Variants in PGCKA1 observed in about 807,000 individuals in gnomAD.
PGCKA1 encodes PDCD10 and GCKIII kinases-associated protein 1.
the PGCKA1 span, among the ~76,000 whole-genome samples, chr4:37,550,435 A>T: frequency 6.6e-6 from 1 of 152,182 alleles, no homozygotes; most frequent in Non-Finnish European, 1.5e-5. Context: ...GTCTTGTGTC[A>T]TTTGGACTTA....
chr4:37,468,746 C>A, the PGCKA1 span, among the ~76,000 whole-genome samples: 14 of 151,260 alleles, frequency 9.3e-5, no homozygotes, highest in East Asian at 3.9e-4. Context: ...CTGTATACCC[C>A]CCCACACACA....
At chr4:37,551,978 G>C in the PGCKA1 span, among the ~76,000 whole-genome samples, 1 of 152,190 alleles carries the variant, frequency 6.6e-6, no homozygotes, top group South Asian at 2.1e-4. Context: ...AGTCTCAAAG[G>C]GGGGAAATGA....
chr4:37,590,135 A>C, the PGCKA1 span: 1 of 1,614,204 alleles, frequency 6.2e-7, no homozygotes, highest in Non-Finnish European at 8.5e-7. Flanking sequence ...TATGTCAATG[A>C]AGTCAACAGC....
chr4:37,504,311 A>G, the PGCKA1 span, among the ~76,000 whole-genome samples: 1 of 152,150 alleles, frequency 6.6e-6, no homozygotes, highest in Admixed American at 6.5e-5. Context: ...TGCCACTATC[A>G]TGCTGTTTTG....
the PGCKA1 span, among the ~76,000 whole-genome samples, chr4:37,477,613 G>T: frequency 7.2e-5 from 11 of 152,186 alleles, no homozygotes; most frequent in Non-Finnish European, 1.3e-4. Flanking sequence ...AAGGAATTTC[G>T]GTAACCTTCT....
chr4:37,507,749 G>A, the PGCKA1 span, among the ~76,000 whole-genome samples: 1 of 152,014 alleles, frequency 6.6e-6, no homozygotes, highest in East Asian at 1.9e-4. Flanking sequence ...GTATTTTTCT[G>A]TGTGCTTATG....
the PGCKA1 span, among the ~76,000 whole-genome samples, chr4:37,498,146 G>C: frequency 6.6e-6 from 1 of 152,106 alleles, no homozygotes; most frequent in African/African-American, 2.4e-5. Context: ...AATTATCCAA[G>C]CACCATTTGT....
At chr4:37,513,029 AG>A in the PGCKA1 span, among the ~76,000 whole-genome samples, 1 of 151,732 alleles carries the variant, frequency 6.6e-6, no homozygotes, top group South Asian at 2.1e-4. Context: ...CGGAGATTTC[AG>A]TGAGCCAAGG....
the PGCKA1 span, among the ~76,000 whole-genome samples, chr4:37,566,716 TGGAC>T: frequency 6.6e-6 from 1 of 152,292 alleles, no homozygotes; most frequent in Admixed American, 6.5e-5. Context: ...CCCAAGTAGT[TGGAC>T]TACAGGTGCA....
the PGCKA1 span, among the ~76,000 whole-genome samples, chr4:37,583,548 T>G: frequency 6.6e-6 from 1 of 152,006 alleles, no homozygotes; most frequent in Non-Finnish European, 1.5e-5. Context: ...GCCATTCTCC[T>G]GCCTCAGCCT....
the PGCKA1 span, among the ~76,000 whole-genome samples, chr4:37,534,778 C>G: frequency 2.0e-5 from 3 of 152,238 alleles, no homozygotes; most frequent in East Asian, 5.8e-4. Flanking sequence ...GAAGTCAGAG[C>G]CCTTGTGATG....
At chr4:37,456,242 G>C in the PGCKA1 span, among the ~76,000 whole-genome samples, 1 of 152,264 alleles carries the variant, frequency 6.6e-6, no homozygotes, top group Admixed American at 6.5e-5. Flanking sequence ...TAACCATTGA[G>C]CCATCCTGTG....
chr4:37,538,771 G>A, the PGCKA1 span, among the ~76,000 whole-genome samples: 1 of 152,218 alleles, frequency 6.6e-6, no homozygotes, highest in East Asian at 1.9e-4. Flanking sequence ...GGTCCCATAG[G>A]TTACTTACTT....
At chr4:37,544,003 A>C in the PGCKA1 span, among the ~76,000 whole-genome samples, 4 of 152,056 alleles carry the variant, frequency 2.6e-5, no homozygotes, top group Non-Finnish European at 5.9e-5. Context: ...ATCCCTTGTC[A>C]TTCCCTCTTG....
the PGCKA1 span, among the ~76,000 whole-genome samples, chr4:37,509,774 A>G: frequency 6.6e-6 from 1 of 151,696 alleles, no homozygotes. Context: ...CAGCCCGGCC[A>G]ACACAGCGAA....
At chr4:37,476,930 A>G in the PGCKA1 span, among the ~76,000 whole-genome samples, 1 of 152,326 alleles carries the variant, frequency 6.6e-6, no homozygotes, top group East Asian at 1.9e-4. Context: ...AGAAACTGCA[A>G]CCTTAATACA....
the PGCKA1 span, among the ~76,000 whole-genome samples, chr4:37,455,718 C>T: frequency 6.6e-6 from 1 of 152,194 alleles, no homozygotes; most frequent in East Asian, 1.9e-4. Context: ...ATTCCCTTGA[C>T]GTCCCACCCA....
chr4:37,456,505 G>A, the PGCKA1 span, among the ~76,000 whole-genome samples: 2 of 152,228 alleles, frequency 1.3e-5, no homozygotes, highest in Admixed American at 1.3e-4. Context: ...TAGAAAAGAT[G>A]TTCCAGAGCT....
At chr4:37,474,099 A>T in the PGCKA1 span, among the ~76,000 whole-genome samples, 1 of 152,204 alleles carries the variant, frequency 6.6e-6, no homozygotes, top group Non-Finnish European at 1.5e-5. Flanking sequence ...TTGAAATTTA[A>T]TCCTCAATGC....
Sources: gnomAD v4.1 joint callset for allele counts (sites outside exome capture counted in the v4.1 genomes callset) on GRCh38, gnomAD v4.1.1 for gene constraint, MANE v1.5 for transcripts, NCBI Gene and HGNC (gene_info 2026-07-23, HGNC 2026-07-21) for gene names.